TRAPPC3L: variants seen among roughly 807,000 people sequenced by gnomAD.
The protein encoded by TRAPPC3L is trafficking protein particle complex subunit 3-like protein.
A neutral mutation model predicts 23.7 loss-of-function variants in TRAPPC3L; 23 were observed. The ratio of observed to expected loss-of-function variants is 0.97; its 90% CI spans 0.70 to 1.37. TRAPPC3L has a LOEUF of 1.37. Ranked by LOEUF, TRAPPC3L falls within the 40% of genes most tolerant of loss-of-function variation. The pLI is 0.00. For synonymous variants in TRAPPC3L, 81 were observed against 77.9 expected (o/e 1.04, Z -0.21); for missense variants, 212 against 216.8 (o/e 0.98, Z 0.14).
intron 3 of TRAPPC3L, among the ~76,000 whole-genome samples, chr6:116,531,670 A>C (rs1772734355): frequency 6.6e-6 from 1 of 152,154 alleles, no homozygotes; most frequent in African/African-American, 2.4e-5. Context: ...GATGAATTTT[A>C]GGATAATTTT....
chr6:116,544,151 A>AAGAGAGAGAGAGAGAGAGAG (rs141606346), intron 1 of TRAPPC3L, among the ~76,000 whole-genome samples: 291 of 132,914 alleles, frequency 2.2e-3, no homozygotes, highest in Middle Eastern at 4.3e-3. Context: ...AAAGGTGAAG[A>AAGAGAGAGAGAGAGAGAGAG]AGAGAGAGAG....
At chr6:116,512,260 T>C (rs769252150) in intron 3 of TRAPPC3L, 7 of 1,572,602 alleles carry the variant, frequency 4.5e-6, no homozygotes, top group Non-Finnish European at 5.2e-6. Context: ...AACTCGCCTT[T>C]TTCTCTCAGC....
chr6:116,543,714 T>G, intron 1 of TRAPPC3L: 1 of 1,038,210 alleles, frequency 9.6e-7, no homozygotes, highest in Non-Finnish European at 1.4e-6. Context: ...AAATACTAAT[T>G]TCTAACATAA....
intron 3 of TRAPPC3L, chr6:116,524,067 G>A (rs1772397796): frequency 6.6e-6 from 1 of 152,166 alleles, no homozygotes; most frequent in Admixed American, 6.5e-5. Flanking sequence ...TGGTAATGGT[G>A]TGCCGATTTA....
At chr6:116,515,449 G>A (rs982335362) in intron 3 of TRAPPC3L, 2 of 885,040 alleles carry the variant, frequency 2.3e-6, no homozygotes, top group East Asian at 2.5e-5. Flanking sequence ...CAAAAAGTGA[G>A]TTTAAAGTGT....
chr6:116,495,200 T>C lies in TRAPPC3L; in HGVS notation c.*1754A>G, dbSNP rs923974125. The C allele has an allele frequency of 1.3e-5, 2 of 151,554 alleles. No individual in the cohort carries two copies. Among genetic ancestry groups the C allele is most frequent in the African/African-American group, 4.9e-5 (2 of 41,196 alleles). The allele number at this position is 151,554 out of a possible 1,614,324, so 9.4% of individuals were successfully genotyped here. On this transcript the variant is annotated 3_prime_UTR_variant, in exon 5 of 5. Coordinates refer to ENST00000368602, the MANE Select transcript of TRAPPC3L (RefSeq NM_001139444.3). ...TCCCAGCCTCTGATATCCATCATTT[T>C]ACTCCATATCTCCATGAGTCCACTG...
chr6:116,505,230 A>G (rs981181802), intron 3 of TRAPPC3L, among the ~76,000 whole-genome samples: 1 of 152,210 alleles, frequency 6.6e-6, no homozygotes, highest in Middle Eastern at 3.2e-3. Context: ...AATAACAGAC[A>G]AACAGAGAGC....
chr6:116,511,567 C>A, intron 3 of TRAPPC3L: 1 of 789,930 alleles, frequency 1.3e-6, no homozygotes, highest in South Asian at 1.8e-5. Context: ...GACATTGTTT[C>A]CTTATCTGGC....
chr6:116,506,222 T>C (rs1335888719), intron 3 of TRAPPC3L, among the ~76,000 whole-genome samples: 1 of 152,164 alleles, frequency 6.6e-6, no homozygotes, highest in Admixed American at 6.5e-5. Context: ...AACAGACACT[T>C]GTCAAAAAAA....
intron 3 of TRAPPC3L, chr6:116,512,327 C>A: frequency 7.3e-7 from 1 of 1,375,160 alleles, no homozygotes; most frequent in Non-Finnish European, 9.8e-7. Flanking sequence ...TGTGTCCTGT[C>A]AGAATATTTT....
Position 116,540,476 on chromosome 6 carries a change from A to T in TRAPPC3L, c.141-14T>A. 1 of 1,550,006 alleles carries T rather than the reference A, an allele frequency of 6.5e-7. No individual in the cohort carries two copies. ...ATGCCGTAACCCCTGTGGATGACGGAAAGAGTGTGGTCTGAAAATTCTAAG... is the reference window on the plus strand; with the variant it reads ...ATGCCGTAACCCCTGTGGATGACGGTAAGAGTGTGGTCTGAAAATTCTAAG... On this transcript the variant is annotated splice_polypyrimidine_tract_variant and intron_variant, in intron 2 of 4. Transcript: ENST00000368602.
At chr6:116,538,904 A>G (rs1342199272) in intron 3 of TRAPPC3L, among the ~76,000 whole-genome samples, 1 of 151,664 alleles carries the variant, frequency 6.6e-6, no homozygotes, top group Non-Finnish European at 1.5e-5. Context: ...TAATTTTTGT[A>G]TTTTTTTGTA....
chr6:116,513,430 A>G lies in TRAPPC3L; in HGVS notation c.241-12764T>C, dbSNP rs534409490. Among the ~76,000 whole-genome samples, 22 of 152,304 alleles carry G rather than the reference A, an allele frequency of 1.4e-4. No individual in the cohort carries two copies. In the South Asian group the frequency reaches 2.5e-3, roughly 17 times the overall value. On this transcript the variant is annotated intron_variant, in intron 3 of 4. Transcript: ENST00000368602. ...TACAACTCTTATGACAGAATGATTG[A>G]TTTATGGTGTATGTCCTCAGTCACC... is the stretch of plus-strand genomic sequence containing the variant.
chr6:116,531,401 TATTAGTAGGTA>T (rs1772715598), intron 3 of TRAPPC3L, among the ~76,000 whole-genome samples: 1 of 152,032 alleles, frequency 6.6e-6, no homozygotes, highest in Non-Finnish European at 1.5e-5. Context: ...AATGGAAAGA[TATTAGTAGGTA>T]ATTATAAGAG....
chr6:116,518,931 C>T lies in TRAPPC3L; in HGVS notation c.241-18265G>A, dbSNP rs1031463765. 2.0e-5 allele frequency: 3 copies of T among 152,208 alleles called. 1 individual carries two copies. In the South Asian group the frequency reaches 6.2e-4, roughly 32 times the overall value. The allele number at this position is 152,208 out of a possible 1,614,324, so 9.4% of individuals were successfully genotyped here. ...TCTGGAAGAAGCCACTTAACAGGTT[C>T]TCATCCTGACTCCTAAATTCCTTAA... is the stretch of plus-strand genomic sequence containing the variant. On this transcript the variant is annotated intron_variant, in intron 3 of 4. Coordinates refer to ENST00000368602, the MANE Select transcript of TRAPPC3L (RefSeq NM_001139444.3).
chr6:116,521,102 G>GTA (rs1772329035), intron 3 of TRAPPC3L: 1 of 151,488 alleles, frequency 6.6e-6, no homozygotes, highest in Non-Finnish European at 1.5e-5. Flanking sequence ...GTGTGTGTGT[G>GTA]TATGCGTGTA....
chr6:116,534,887 A>G (rs1383567028), intron 3 of TRAPPC3L, among the ~76,000 whole-genome samples: 1 of 152,160 alleles, frequency 6.6e-6, no homozygotes, highest in Non-Finnish European at 1.5e-5. Flanking sequence ...AAGTTTTTTA[A>G]GTCTTTTTAT....
At chr6:116,507,200 G>GAT (rs140577552) in intron 3 of TRAPPC3L, among the ~76,000 whole-genome samples, 3,834 of 152,132 alleles carry the variant, frequency 0.025, 74 homozygotes, top group Middle Eastern at 0.095. Context: ...CATATCAGCT[G>GAT]ATATTTGTCA....
chr6:116,499,482 A>G (rs533317218), intron 4 of TRAPPC3L, among the ~76,000 whole-genome samples: 1 of 152,348 alleles, frequency 6.6e-6, no homozygotes, highest in African/African-American at 2.4e-5. Context: ...GTTGCTTTCA[A>G]TATAAAAATC....
Sources: allele counts gnomAD v4.1 joint callset (sites outside exome capture counted in the v4.1 genomes callset), GRCh38; gene constraint gnomAD v4.1.1; transcripts MANE v1.5; gene names NCBI Gene and HGNC (gene_info 2026-07-23, HGNC 2026-07-21).